ZNF521: variants seen among roughly 807,000 people sequenced by gnomAD.
ZNF521 encodes the protein LYST-interacting protein 3.
A neutral mutation model predicts 105.5 loss-of-function variants in ZNF521; 14 were observed. The observed-to-expected ratio is 0.13, with a 90% CI of 0.09 to 0.21. The LOEUF (loss-of-function observed/expected upper bound fraction) is 0.21. ZNF521 is among the 10% of genes least tolerant of loss of function. The pLI, the probability that ZNF521 is intolerant of heterozygous loss-of-function variation, is 1.00. For synonymous variants in ZNF521, 635 were observed against 606.0 expected (o/e 1.05, Z -0.70); for missense variants, 1,233 against 1,629.7 (o/e 0.76, Z 4.19).
At position 25,205,040 on chromosome 18, in the gene ZNF521, T is replaced by C. The variant is rs1600151852; in HGVS notation, c.3574-9796A>G. On this transcript the variant is annotated intron_variant, in intron 4 of 7. Coordinates refer to ENST00000361524, the MANE Select transcript of ZNF521 (RefSeq NM_015461.3). ...TCATAAGGTACTTACCTAAGACTGG[T>C]CTATTTCTGCTTGCAAAACTGCCTA... 3.3e-5 allele frequency among the ~76,000 whole-genome samples: 5 copies of C among 150,630 alleles called. No homozygotes were observed. The East Asian group carries it at 9.9e-4, about 30-fold the overall frequency.
intron 3 of ZNF521, among the ~76,000 whole-genome samples, chr18:25,228,209 C>T (rs1906302540): frequency 6.6e-6 from 1 of 152,194 alleles, no homozygotes; most frequent in Non-Finnish European, 1.5e-5. Flanking sequence ...AAAGGCAATT[C>T]TGCAGACCAA....
chr18:25,077,702 A>C (rs1032743958), intron 7 of ZNF521, among the ~76,000 whole-genome samples: 1 of 152,200 alleles, frequency 6.6e-6, no homozygotes, highest in Admixed American at 6.5e-5. Flanking sequence ...AGTCCAGAAA[A>C]TGAATCCAAT....
intron 4 of ZNF521, among the ~76,000 whole-genome samples, chr18:25,223,044 T>A (rs747077941): frequency 6.6e-6 from 1 of 152,184 alleles, no homozygotes; most frequent in Non-Finnish European, 1.5e-5. Context: ...CTTTAACTTT[T>A]CTATAGGTTT....
In ZNF521 at chr18:25,225,784, G is replaced by A. The variant is rs1043344938; in HGVS notation, c.2134C>T (p.His712Tyr). Residue 712 changes from histidine (H) to tyrosine (Y), a missense_variant, in exon 4 of 8, where the codon CAC (histidine) becomes TAC (tyrosine). His to Tyr is a moderately conservative substitution (Grantham distance 83, BLOSUM62 2). This residue lies in a region of ZNF521 where 614 missense variants were observed against 751.5 expected (regional missense o/e 0.82). Transcript: ENST00000361524. This position sits in a 1 kb window ranked among gnomAD's most constrained non-coding sequence, Gnocchi z 5.6. Reference protein sequence around the residue: ...QFTSVDDLQKHLLDMHTFVFF... With the variant: ...QFTSVDDLQKYLLDMHTFVFF... Reference sequence around the variant, plus strand: ...ACAAAGGTGTGCATGTCCAGCAGGTGTTTCTGAAGGTCATCCACTGATGTG... The same window carrying A: ...ACAAAGGTGTGCATGTCCAGCAGGTATTTCTGAAGGTCATCCACTGATGTG... 1.9e-6 allele frequency: 3 copies of A among 1,614,240 alleles called. 1 individual carries two copies. The highest frequency in any genetic ancestry group is 2.5e-6 in the Non-Finnish European group (3 of 1,180,034).
intron 3 of ZNF521, among the ~76,000 whole-genome samples, chr18:25,281,268 C>A (rs1348641602): frequency 6.6e-6 from 1 of 152,176 alleles, no homozygotes; most frequent in Non-Finnish European, 1.5e-5. Flanking sequence ...GGAAATTATG[C>A]TTGATGTAAA....
At chr18:25,237,696 A>T (rs1418403843) in intron 3 of ZNF521, among the ~76,000 whole-genome samples, 3 of 152,178 alleles carry the variant, frequency 2.0e-5, no homozygotes, top group Admixed American at 1.3e-4. Flanking sequence ...ATCTTCACTG[A>T]CTCAATACTG....
chr18:25,337,702 G>A (rs28678023), intron 2 of ZNF521, among the ~76,000 whole-genome samples: 6,666 of 152,108 alleles, frequency 0.044, 493 homozygotes, highest in African/African-American at 0.15. Flanking sequence ...GCACACTGGC[G>A]GTATCCATTA....
intron 5 of ZNF521, among the ~76,000 whole-genome samples, chr18:25,116,873 A>ACG (rs1567968392): frequency 0.13 from 650 of 4,938 alleles, no homozygotes; most frequent in Middle Eastern, 0.25. Flanking sequence ...ATATATACGT[A>ACG]TATATATATA....
chr18:25,133,561 T>C (rs1337753012), intron 5 of ZNF521, among the ~76,000 whole-genome samples: 1 of 152,202 alleles, frequency 6.6e-6, no homozygotes, highest in Non-Finnish European at 1.5e-5. Context: ...ATAATTATGA[T>C]ACAAGTAATA....
rs9951335 is a variant in ZNF521 at position 25,222,089 on chromosome 18, C to A, written c.3573+2256G>T. On this transcript the variant is annotated intron_variant, in intron 4 of 7. Transcript: ENST00000361524. The stretch of plus-strand genomic sequence containing the variant: ...TTGAAACTAAATCCTAATATCTCAT[C>A]AATTAAGCATACCACTCTAAGCTCT... Among the ~76,000 whole-genome samples the A allele has an allele frequency of 1.6e-3, 237 of 152,178 alleles. 1 individual carries two copies. The highest frequency in any genetic ancestry group is 5.5e-3 in the African/African-American group (229 of 41,552).
chr18:25,216,771 G>A (rs559550939), intron 4 of ZNF521, among the ~76,000 whole-genome samples: 1 of 152,212 alleles, frequency 6.6e-6, no homozygotes, highest in South Asian at 2.1e-4. Flanking sequence ...TGGCTAGGCT[G>A]GTCTCAAACT....
At chr18:25,311,303 T>C (rs1285405374) in intron 3 of ZNF521, among the ~76,000 whole-genome samples, 1 of 148,524 alleles carries the variant, frequency 6.7e-6, no homozygotes, top group Admixed American at 6.8e-5. Context: ...AGTAACCCAC[T>C]CCTTATAAAA....
intron 3 of ZNF521, among the ~76,000 whole-genome samples, chr18:25,318,956 A>T (rs765507680): frequency 6.7e-5 from 6 of 89,434 alleles, no homozygotes; most frequent in Non-Finnish European, 1.9e-4. Context: ...AAAAAAGAAA[A>T]AAAAAAAAGA....
At chr18:25,302,087 C>T (rs868139657) in intron 3 of ZNF521, 1 of 152,104 alleles carries the variant, frequency 6.6e-6, no homozygotes, top group Non-Finnish European at 1.5e-5. Flanking sequence ...CCCCATTCTT[C>T]AGCATTCCAT....
chr18:25,303,456 C>A (rs892720392), intron 3 of ZNF521, among the ~76,000 whole-genome samples: 1 of 152,030 alleles, frequency 6.6e-6, no homozygotes, highest in African/African-American at 2.4e-5. Flanking sequence ...CGCCACCATG[C>A]CCGGCTAATT....
At chr18:25,117,591 A>G (rs888999525) in intron 5 of ZNF521, among the ~76,000 whole-genome samples, 13 of 152,166 alleles carry the variant, frequency 8.5e-5, no homozygotes, top group Non-Finnish European at 2.9e-5. Flanking sequence ...AGCCTATAAA[A>G]GGGTATCAAA....
chr18:25,093,127 G>A (rs548923770), intron 5 of ZNF521, among the ~76,000 whole-genome samples: 11 of 152,140 alleles, frequency 7.2e-5, no homozygotes, highest in African/African-American at 2.2e-4. Flanking sequence ...AAAATGAGGC[G>A]CAGAGAGTTT....
At chr18:25,166,510 T>C (rs2035344073) in intron 5 of ZNF521, among the ~76,000 whole-genome samples, 1 of 152,220 alleles carries the variant, frequency 6.6e-6, no homozygotes, top group African/African-American at 2.4e-5. Context: ...AAATCATTAT[T>C]TTTAAAGAAG....
intron 4 of ZNF521, among the ~76,000 whole-genome samples, chr18:25,199,431 C>T (rs982919342): frequency 2.0e-5 from 3 of 151,802 alleles, no homozygotes; most frequent in Non-Finnish European, 4.4e-5. Flanking sequence ...AGATATCAAT[C>T]TGACTATCAG....
Sources: allele counts gnomAD v4.1 joint callset (sites outside exome capture counted in the v4.1 genomes callset), GRCh38; gene constraint gnomAD v4.1.1; regional missense constraint gnomAD v4.1.1; non-coding constraint Gnocchi (gnomAD v3.1); transcripts MANE v1.5; gene names NCBI Gene and HGNC (gene_info 2026-07-23, HGNC 2026-07-21).